DPP6: variants seen among roughly 807,000 people sequenced by gnomAD.
DPP6 encodes dipeptidyl peptidase like 6, also known as A-type potassium channel modulatory protein DPP6.
Under a neutral mutation model 122.6 loss-of-function variants are expected in DPP6, and 69 were observed. The observed-to-expected ratio is 0.56, with a 90% CI of 0.46 to 0.69. DPP6 has a LOEUF of 0.69. Among genes scored for constraint, DPP6 ranks in the 30% least tolerant of loss-of-function variants. The probability of loss-of-function intolerance (pLI) is 0.00; values close to 1 mark genes in which losing one functional copy is unlikely to be tolerated. For synonymous variants in DPP6, 418 were observed against 433.1 expected (o/e 0.97, Z 0.43); for missense variants, 928 against 1,116.9 (o/e 0.83, Z 2.41).
chr7:153,923,760 CAAA>C (rs1158548494), intron 1 of DPP6, among the ~76,000 whole-genome samples: 13 of 46,790 alleles, frequency 2.8e-4, no homozygotes, highest in Non-Finnish European at 4.5e-4. Context: ...GACTCCATCT[CAAA>C]AAAAAAAAAA....
chr7:154,426,621 C>T (rs900811424), intron 1 of DPP6, among the ~76,000 whole-genome samples: 7 of 151,986 alleles, frequency 4.6e-5, no homozygotes, highest in South Asian at 2.1e-4. Flanking sequence ...GTTCCCATAT[C>T]GGTGAGACAT....
intron 1 of DPP6, among the ~76,000 whole-genome samples, chr7:154,243,037 C>A (rs780706007): frequency 6.6e-5 from 10 of 152,144 alleles, no homozygotes; most frequent in Non-Finnish European, 1.3e-4. Context: ...CAAATAAGGG[C>A]CACACCTTAG....
chr7:153,799,271 C>T, the DPP6 span, among the ~76,000 whole-genome samples: 1 of 152,312 alleles, frequency 6.6e-6, no homozygotes, highest in South Asian at 2.1e-4. Context: ...TTCAGACTCA[C>T]TGATTTATCT....
At chr7:154,808,634 G>C (rs1360765653) in intron 16 of DPP6, among the ~76,000 whole-genome samples, 1 of 152,118 alleles carries the variant, frequency 6.6e-6, no homozygotes, top group African/African-American at 2.4e-5. Flanking sequence ...CCAGCATCAA[G>C]GTCTCCCAGT....
intron 10 of DPP6, among the ~76,000 whole-genome samples, chr7:154,775,307 G>A (rs1168927244): frequency 6.6e-6 from 1 of 152,150 alleles, no homozygotes; most frequent in African/African-American, 2.4e-5. Flanking sequence ...AAAGTTAGAT[G>A]AGATAAGGCA....
At chr7:154,176,733 C>T (rs1005367955) in intron 1 of DPP6, among the ~76,000 whole-genome samples, 2 of 152,216 alleles carry the variant, frequency 1.3e-5, no homozygotes, top group African/African-American at 2.4e-5. Flanking sequence ...TGCCTTATGG[C>T]GACCCTCGGA....
chr7:153,868,131 G>A, the DPP6 span, among the ~76,000 whole-genome samples: 113 of 151,988 alleles, frequency 7.4e-4, 1 homozygote, highest in South Asian at 2.9e-3. Context: ...TTGTGTCTCT[G>A]CCCGGCTTTG....
chr7:154,803,990 G>A (rs752792236), intron 14 of DPP6, 35 bp downstream of exon 14: 12 of 1,603,762 alleles, frequency 7.5e-6, no homozygotes, highest in Non-Finnish European at 1.0e-5. Context: ...CCATCTTACT[G>A]GCCAATGGGG....
Position 154,011,830 on chromosome 7 carries a change from T to G in DPP6, c.51+124096T>G, listed in dbSNP as rs538942015. Among the ~76,000 whole-genome samples, 4 of 152,328 alleles carry G rather than the reference T, an allele frequency of 2.6e-5. No individual in the cohort carries two copies. In the South Asian group the frequency reaches 8.3e-4, roughly 32 times the overall value. ...CCTGAGTGATTATCGAATCCATTCT[T>G]CATTTCACAGACGAGAAAATGAGTT... On this transcript the variant is annotated intron_variant, in intron 1 of 25. Coordinates refer to the DPP6 transcript ENST00000404039.
intron 4 of DPP6, 120 bp from the exon 5 acceptor site, chr7:154,566,722 A>C (rs994721828): frequency 7.8e-5 from 49 of 631,562 alleles, no homozygotes; most frequent in Middle Eastern, 3.9e-4. Context: ...CAAAGAAAGG[A>C]TATAGCCATT....
At chr7:154,580,608 G>A (rs1831999340) in intron 5 of DPP6, among the ~76,000 whole-genome samples, 1 of 152,046 alleles carries the variant, frequency 6.6e-6, no homozygotes, top group Admixed American at 6.5e-5. Flanking sequence ...GTCAGAAACT[G>A]ACATTCAACA....
intron 1 of DPP6, among the ~76,000 whole-genome samples, chr7:154,172,643 C>CGGG (rs1475741695): frequency 4.7e-5 from 5 of 106,194 alleles, no homozygotes; most frequent in African/African-American, 2.5e-4. Context: ...TGCTGTGACC[C>CGGG]AGGATGGACT....
chr7:154,525,811 A>G (rs1285166076), intron 3 of DPP6, among the ~76,000 whole-genome samples: 2 of 150,792 alleles, frequency 1.3e-5, no homozygotes, highest in East Asian at 3.9e-4. Flanking sequence ...GGAAACACCT[A>G]CCTTTTCTAA....
At chr7:154,130,175 A>G (rs1808266395) in intron 1 of DPP6, among the ~76,000 whole-genome samples, 1 of 152,148 alleles carries the variant, frequency 6.6e-6, no homozygotes. Context: ...AAGCTAGAAG[A>G]CAAAGAGGAA....
In DPP6 at chr7:154,759,905, C is replaced by T. The variant is rs78546965; in HGVS notation, c.884-9512C>T. On this transcript the variant is annotated intron_variant, in intron 8 of 25. Transcript: ENST00000377770. The stretch of plus-strand genomic sequence containing the variant: ...TTGGGAGGCCAAGGAGGGCGGATCA[C>T]GAGGTCAGGAGTTCAAGACCATCCA... Among the ~76,000 whole-genome samples, 31 of 152,238 alleles carry T rather than the reference C, an allele frequency of 2.0e-4. No individual in the cohort carries two copies. The East Asian group carries it at 3.1e-3, about 15-fold the overall frequency.
the DPP6 span, among the ~76,000 whole-genome samples, chr7:153,869,293 C>T: frequency 4.6e-5 from 7 of 152,260 alleles, no homozygotes; most frequent in Non-Finnish European, 8.8e-5. Flanking sequence ...GTCTAAGTCT[C>T]TTTGTAGGTC....
chr7:154,362,960 C>T (rs1193482910), intron 1 of DPP6, among the ~76,000 whole-genome samples: 1 of 152,166 alleles, frequency 6.6e-6, no homozygotes, highest in African/African-American at 2.4e-5. Flanking sequence ...CAGATGGTTC[C>T]CGTGCACATG....
intron 1 of DPP6, among the ~76,000 whole-genome samples, chr7:154,152,295 G>C (rs545587264): frequency 2.6e-4 from 39 of 152,202 alleles, no homozygotes; most frequent in Admixed American, 9.8e-4. Flanking sequence ...TGAACCAGGG[G>C]TACAGGGATG....
intron 16 of DPP6, among the ~76,000 whole-genome samples, chr7:154,825,856 A>G (rs1338951281): frequency 3.3e-5 from 5 of 152,260 alleles, no homozygotes; most frequent in African/African-American, 1.2e-4. Context: ...AACAAAGATC[A>G]GGGTCACACA....
Sources: gnomAD v4.1 joint callset for allele counts (sites outside exome capture counted in the v4.1 genomes callset) on GRCh38, gnomAD v4.1.1 for gene constraint, MANE v1.5 for transcripts, NCBI Gene and HGNC (gene_info 2026-07-23, HGNC 2026-07-21) for gene names.